PCCB: variants seen among roughly 807,000 people sequenced by gnomAD.
PCCB encodes the protein propionyl-CoA carboxylase subunit beta, also known as propionyl-CoA carboxylase beta chain, mitochondrial.
PCCB carries 43 observed loss-of-function variants against 60.7 expected under a neutral mutation model. That is an observed-to-expected ratio of 0.71 (90% confidence interval 0.55 to 0.91). The LOEUF (loss-of-function observed/expected upper bound fraction) is 0.91, where lower values mean the gene tolerates loss of function less well. PCCB is among the 40% of genes least tolerant of loss of function. The pLI, the probability that PCCB is intolerant of heterozygous loss-of-function variation, is 0.00. For missense variants in PCCB, 766 were observed against 702.8 expected (o/e 1.09, Z -1.02); for synonymous variants, 276 against 255.9 (o/e 1.08, Z -0.75).
chr3:136,259,900 A>G lies in PCCB; in HGVS notation c.373-579A>G, dbSNP rs1416698390. ...CCCGAGTAGCTGGGATTACAGGCAC[A>G]CACCACCACGCCCAGCTAATTTTTA... On this transcript the variant is annotated intron_variant, in intron 3 of 14. Coordinates refer to ENST00000251654, the MANE Select transcript of PCCB (RefSeq NM_000532.5). 1.8e-4 allele frequency among the ~76,000 whole-genome samples: 24 copies of G among 133,622 alleles called. 1 individual carries two copies. Among genetic ancestry groups the G allele is most frequent in the South Asian group, 5.0e-4 (2 of 3,986 alleles). 87.7% of individuals were successfully genotyped at this position (133,622 alleles called of 152,430 possible).
intron 5 of PCCB, among the ~76,000 whole-genome samples, chr3:136,280,284 C>A (rs1942442703): frequency 6.6e-6 from 1 of 152,182 alleles, no homozygotes; most frequent in South Asian, 2.1e-4. Context: ...ATTTTCCCTT[C>A]TTTCTTGAAG....
At chr3:136,255,820 T>A (rs774938196) in intron 1 of PCCB, 36 bp from the exon 2 acceptor site, 13 of 1,593,036 alleles carry the variant, frequency 8.2e-6, no homozygotes, top group Non-Finnish European at 8.6e-7. Flanking sequence ...AAATTGTCTG[T>A]GATGACATCA....
chr3:136,309,606 C>T (rs1172286048), intron 9 of PCCB, among the ~76,000 whole-genome samples: 1 of 151,872 alleles, frequency 6.6e-6, no homozygotes, highest in Non-Finnish European at 1.5e-5. Context: ...TGAAGACCAA[C>T]CTGGGCAACA....
At position 136,299,525 on chromosome 3, in the gene PCCB, T is replaced by C. The variant is rs889318066; in HGVS notation, c.884+1453T>C. On this transcript the variant is annotated intron_variant, in intron 8 of 14. Coordinates refer to ENST00000251654, the MANE Select transcript of PCCB (RefSeq NM_000532.5). ...GTATGTATAGGTATGCATGTGTATG[T>C]ATGTATATGCATGTGTATAGGTATG... Among the ~76,000 whole-genome samples, 32 of 128,294 alleles carry C rather than the reference T, an allele frequency of 2.5e-4. 1 individual carries two copies. Among genetic ancestry groups the C allele is most frequent in the Non-Finnish European group, 1.2e-4 (7 of 60,752 alleles). The allele number at this position is 128,294 out of a possible 152,430, so 84.2% of individuals were successfully genotyped here.
At chr3:136,326,190 C>G in intron 10 of PCCB, 1 of 583,920 alleles carries the variant, frequency 1.7e-6, no homozygotes. Flanking sequence ...TGTTTTTGGT[C>G]TGTATTCTTT....
intron 3 of PCCB, chr3:136,259,277 G>C (rs553425233): frequency 1.9e-4 from 105 of 552,318 alleles, no homozygotes; most frequent in Admixed American, 8.4e-4. Flanking sequence ...AACTGGCCTA[G>C]CCAACATGGC....
intron 14 of PCCB, 100 bp from the exon 15 acceptor site, chr3:136,329,805 A>C: frequency 1.5e-6 from 2 of 1,326,174 alleles, no homozygotes; most frequent in Non-Finnish European, 2.2e-6. Context: ...CACTGCTTAT[A>C]CTGCTGGCCC....
chr3:136,317,435 C>T (rs889898692), intron 10 of PCCB, among the ~76,000 whole-genome samples: 43 of 151,420 alleles, frequency 2.8e-4, no homozygotes, highest in African/African-American at 1.0e-3. Flanking sequence ...TGCCATGTTG[C>T]CTGTGCTGGT....
At chr3:136,261,177 G>A in intron 4 of PCCB, among the ~76,000 whole-genome samples, 1 of 152,204 alleles carries the variant, frequency 6.6e-6, no homozygotes, top group East Asian at 1.9e-4. Flanking sequence ...GTAAAGAACA[G>A]TGCGAGCATT....
intron 5 of PCCB, among the ~76,000 whole-genome samples, chr3:136,275,191 T>TAGACCAGA: frequency 6.6e-6 from 1 of 152,322 alleles, no homozygotes. Context: ...AGCTCTGAAA[T>TAGACCAGA]TCATTCTTTG....
chr3:136,251,973 G>A (rs1174899420), intron 1 of PCCB, among the ~76,000 whole-genome samples: 4 of 151,938 alleles, frequency 2.6e-5, no homozygotes, highest in African/African-American at 9.7e-5. Flanking sequence ...TGCCTCCCAG[G>A]TTCAAGCTAT....
chr3:136,273,590 C>CTTTTTT (rs1942257481), intron 5 of PCCB, among the ~76,000 whole-genome samples: 2 of 65,638 alleles, frequency 3.0e-5, no homozygotes, highest in African/African-American at 6.0e-5. Flanking sequence ...TTTTTTTTTT[C>CTTTTTT]TTTTTTCTTT....
intron 8 of PCCB, among the ~76,000 whole-genome samples, chr3:136,300,002 C>T (rs1238838558): frequency 1.3e-5 from 2 of 150,976 alleles, no homozygotes; most frequent in African/African-American, 4.9e-5. Context: ...ATATGCATAC[C>T]CACACATATG....
intron 8 of PCCB, among the ~76,000 whole-genome samples, chr3:136,300,778 G>A (rs1934240301): frequency 1.3e-5 from 2 of 152,162 alleles, no homozygotes; most frequent in South Asian, 2.1e-4. Context: ...AAAGAATAAC[G>A]TTTAGAGGAA....
At chr3:136,316,736 T>C (rs1048090766) in intron 9 of PCCB, among the ~76,000 whole-genome samples, 1 of 152,116 alleles carries the variant, frequency 6.6e-6, no homozygotes, top group African/African-American at 2.4e-5. Context: ...TTAGCAGCAG[T>C]TGAGGTTTTC....
chr3:136,260,584 A>G, intron 4 of PCCB, 49 bp downstream of exon 4: 4 of 1,439,234 alleles, frequency 2.8e-6, no homozygotes, highest in Non-Finnish European at 3.9e-6. Flanking sequence ...TCAGTTACAT[A>G]GTGCTTATTG....
chr3:136,326,942 G>A (rs754443038), intron 11 of PCCB, 32 bp downstream of exon 11: 35 of 1,430,298 alleles, frequency 2.4e-5, no homozygotes, highest in Non-Finnish European at 3.4e-5. Flanking sequence ...GGCTAGGAGA[G>A]TTGCCTTTCC....
Position 136,250,447 on chromosome 3 carries a change from G to T in PCCB, c.72G>T (p.Ala24=), listed in dbSNP as rs1389353704. Residue 24 remains alanine, a synonymous_variant, in exon 1 of 15, where the codon GCG becomes GCT. Transcript: ENST00000251654. ...LSVLASGLRA[A]VRSLCSQATS... is the part of the protein sequence containing the mutation. ...TTCTGGCGAGCGGTCTCCGCGCCGC[G>T]GTCCGCAGCCTTTGCAGCCAGGCCA... is the stretch of plus-strand genomic sequence containing the variant. 2 of 1,603,148 alleles carry T rather than the reference G, an allele frequency of 1.2e-6. No individual in the cohort carries two copies. Among genetic ancestry groups the T allele is most frequent in the South Asian group, 2.2e-5 (2 of 89,648 alleles).
At chr3:136,283,379 T>C (rs1942528237) in intron 5 of PCCB, among the ~76,000 whole-genome samples, 1 of 152,158 alleles carries the variant, frequency 6.6e-6, no homozygotes, top group East Asian at 1.9e-4. Context: ...CACCTGCTTG[T>C]ACCCTTGCGT....
Sources: gnomAD v4.1 joint callset for allele counts (sites outside exome capture counted in the v4.1 genomes callset) on GRCh38, gnomAD v4.1.1 for gene constraint, MANE v1.5 for transcripts, NCBI Gene and HGNC (gene_info 2026-07-23, HGNC 2026-07-21) for gene names.